Variants in DOCK3 observed in about 807,000 individuals in gnomAD.
DOCK3 encodes the protein dedicator of cytokinesis protein 3.
DOCK3 carries 60 observed loss-of-function variants against 265.6 expected under a neutral mutation model. The observed-to-expected ratio is 0.23, with a 90% confidence interval of 0.18 to 0.28. The LOEUF is 0.28. Ranked by LOEUF, DOCK3 falls within the 10% of genes least tolerant of loss-of-function variation. The pLI is 1.00. For missense variants in DOCK3, 1,981 were observed against 2,594.3 expected, an observed-to-expected ratio of 0.76 and a Z score of 5.14; for synonymous variants, 881 against 938.0, an observed-to-expected ratio of 0.94 and a Z score of 1.11.
intron 9 of DOCK3, among the ~76,000 whole-genome samples, chr3:51,111,250 G>A (rs1197507543): frequency 6.6e-6 from 1 of 151,776 alleles, no homozygotes; most frequent in African/African-American, 2.4e-5. Flanking sequence ...GAATAGCCAA[G>A]GCAATCCTAA....
At chr3:50,796,390 G>C (rs762724657) in intron 2 of DOCK3, among the ~76,000 whole-genome samples, 2 of 150,650 alleles carry the variant, frequency 1.3e-5, no homozygotes, top group Non-Finnish European at 2.9e-5. Flanking sequence ...CCAGGCTGGG[G>C]TGCAATGGTG....
intron 6 of DOCK3, among the ~76,000 whole-genome samples, chr3:51,069,847 T>C (rs1362559137): frequency 6.6e-6 from 1 of 152,240 alleles, no homozygotes; most frequent in Non-Finnish European, 1.5e-5. Flanking sequence ...AGCCAGGATC[T>C]AGAAAGGTTT....
intron 1 of DOCK3, among the ~76,000 whole-genome samples, chr3:50,722,655 C>G (rs998259790): frequency 6.6e-6 from 1 of 151,942 alleles, no homozygotes; most frequent in Non-Finnish European, 1.5e-5. Flanking sequence ...TTACAGATGG[C>G]CCAGGTGTTG....
At chr3:50,944,284 A>T (rs1024758241) in intron 5 of DOCK3, among the ~76,000 whole-genome samples, 18 of 152,324 alleles carry the variant, frequency 1.2e-4, no homozygotes, top group African/African-American at 4.3e-4. Context: ...AGATTATCTG[A>T]GAACCATCAT....
At chr3:51,104,051 T>A (rs903593141) in intron 9 of DOCK3, among the ~76,000 whole-genome samples, 1 of 152,040 alleles carries the variant, frequency 6.6e-6, no homozygotes, top group Non-Finnish European at 1.5e-5. Flanking sequence ...ATAGGGGAAA[T>A]TTTTGATAGG....
chr3:50,804,477 C>G (rs2043284064), intron 2 of DOCK3, among the ~76,000 whole-genome samples: 1 of 152,192 alleles, frequency 6.6e-6, no homozygotes, highest in South Asian at 2.1e-4. Flanking sequence ...AAGACTCCGT[C>G]TGCAATCCCG....
intron 9 of DOCK3, among the ~76,000 whole-genome samples, chr3:51,107,060 G>C (rs182534996): frequency 1.3e-5 from 2 of 152,212 alleles, no homozygotes; most frequent in Non-Finnish European, 2.9e-5. Flanking sequence ...TCAGTTTCCA[G>C]AGTGAAACCA....
intron 4 of DOCK3, among the ~76,000 whole-genome samples, chr3:50,917,534 C>G (rs2050193374): frequency 6.6e-6 from 1 of 151,930 alleles, no homozygotes. Flanking sequence ...ATTTTCAGCT[C>G]TAATAGATGA....
chr3:50,926,858 T>A (rs2050783619), intron 4 of DOCK3, among the ~76,000 whole-genome samples: 2 of 152,356 alleles, frequency 1.3e-5, no homozygotes, highest in African/African-American at 2.4e-5. Context: ...CACCACCTTC[T>A]AACTGGTCTC....
chr3:51,342,478 C>T (rs910010881), intron 38 of DOCK3, among the ~76,000 whole-genome samples: 18 of 152,320 alleles, frequency 1.2e-4, no homozygotes, highest in East Asian at 9.7e-4. Flanking sequence ...CAGTTTTAGG[C>T]CTATTTTCCT....
Position 51,354,933 on chromosome 3 carries a change from C to G in DOCK3, c.4159C>G (p.Gln1387Glu). ...GHDYERLEAFQQRMLSEFPQA... is the reference protein window; with the variant it reads ...GHDYERLEAFEQRMLSEFPQA... ...TGACTACGAGAGGCTGGAGGCCTTC[C>G]AGCAGAGGATGCTCAGTGAGTTTCC... The change falls in exon 41 of 53, where the codon CAG becomes GAG. Residue 1387 changes from glutamine to glutamate, a missense_variant. Gln to Glu is a conservative substitution (Grantham distance 29). Transcript: ENST00000266037. 1 of 1,613,942 alleles carries G rather than the reference C, an allele frequency of 6.2e-7. No homozygotes were observed. The highest frequency in any genetic ancestry group is 1.1e-5 in the South Asian group (1 of 91,084).
At chr3:51,159,041 G>A (rs570304079) in intron 10 of DOCK3, among the ~76,000 whole-genome samples, 33 of 152,234 alleles carry the variant, frequency 2.2e-4, no homozygotes, top group Admixed American at 1.4e-3. Context: ...GAAAAATGTT[G>A]TCAATAGAAT....
intron 1 of DOCK3, among the ~76,000 whole-genome samples, chr3:50,683,125 A>G (rs2034529287): frequency 6.6e-6 from 1 of 152,210 alleles, no homozygotes; most frequent in African/African-American, 2.4e-5. Flanking sequence ...GCCATTTCAC[A>G]CTAATTGCTC....
At chr3:50,755,323 T>C (rs1314314009) in intron 1 of DOCK3, among the ~76,000 whole-genome samples, 1 of 152,240 alleles carries the variant, frequency 6.6e-6, no homozygotes, top group East Asian at 1.9e-4. Context: ...TGCATTTTTG[T>C]AAGCTTTGTA....
chr3:51,249,676 A>C (rs2108622664), intron 22 of DOCK3, among the ~76,000 whole-genome samples: 1 of 118,498 alleles, frequency 8.4e-6, no homozygotes, highest in East Asian at 2.8e-4. Context: ...CCACCCGGCC[A>C]GCCGCCCCGT....
At chr3:50,889,066 G>GGGGTGTGTGT (rs869046567) in intron 3 of DOCK3, among the ~76,000 whole-genome samples, 248 of 134,260 alleles carry the variant, frequency 1.8e-3, no homozygotes, top group African/African-American at 6.4e-3. Context: ...TTAAGCCATG[G>GGGGTGTGTGT]GTGTGTGTGT....
At chr3:50,751,051 A>G (rs1401895148) in intron 1 of DOCK3, among the ~76,000 whole-genome samples, 2 of 152,220 alleles carry the variant, frequency 1.3e-5, no homozygotes, top group African/African-American at 4.8e-5. Context: ...TAATGCTTCA[A>G]ATGCAAACAA....
intron 23 of DOCK3, among the ~76,000 whole-genome samples, chr3:51,262,200 G>A (rs1254030037): frequency 3.3e-5 from 5 of 152,162 alleles, no homozygotes; most frequent in Admixed American, 3.3e-4. Flanking sequence ...CCTCTGGGAC[G>A]AAGCTTCCAG....
chr3:51,294,757 G>A (rs945922897), intron 27 of DOCK3, among the ~76,000 whole-genome samples: 8 of 151,678 alleles, frequency 5.3e-5, no homozygotes, highest in Admixed American at 5.3e-4. Context: ...GGCTGGGGGT[G>A]GGGGCAGTAG....
Sources: gnomAD v4.1 joint callset for allele counts (sites outside exome capture counted in the v4.1 genomes callset) on GRCh38, gnomAD v4.1.1 for gene constraint, MANE v1.5 for transcripts, NCBI Gene and HGNC (gene_info 2026-07-23, HGNC 2026-07-21) for gene names.